MYOCOS: variants seen among roughly 807,000 people sequenced by gnomAD.
The protein encoded by MYOCOS is myocilin opposite strand, also known as myocilin opposite strand protein.
upstream of MYOCOS, among the ~76,000 whole-genome samples, chr1:171,620,773 C>CTTTTTTTTTT (rs34455235): frequency 3.1e-5 from 4 of 127,212 alleles, no homozygotes; most frequent in Non-Finnish European, 4.8e-5. Flanking sequence ...CTTTTTCTTT[C>CTTTTTTTTTT]TTTTTTTTTT....
intron 1 of MYOCOS, among the ~76,000 whole-genome samples, chr1:171,607,302 C>A (rs1054593102): frequency 3.3e-5 from 5 of 152,154 alleles, no homozygotes; most frequent in African/African-American, 1.2e-4. Context: ...TAAATATACA[C>A]ATCTAAGTCT....
At chr1:171,624,610 G>A (rs12728541) in intron 2 of MYOCOS, among the ~76,000 whole-genome samples, 22,530 of 150,914 alleles carry the variant, frequency 0.15, 1,937 homozygotes, top group Middle Eastern at 0.32. Context: ...CTAATATTTT[G>A]TGTGTGTGTG....
chr1:171,612,136 G>C (rs1652366483), intron 1 of MYOCOS, among the ~76,000 whole-genome samples: 1 of 152,010 alleles, frequency 6.6e-6, no homozygotes, highest in South Asian at 2.1e-4. Context: ...CAGTGCAGTG[G>C]TGCAATCTCG....
At chr1:171,621,398 C>CG (rs1652567293), upstream of MYOCOS, among the ~76,000 whole-genome samples, 1 of 103,544 alleles carries the variant, frequency 9.7e-6, no homozygotes, top group Non-Finnish European at 1.8e-5. Flanking sequence ...TTTTTTGAGA[C>CG]GTAGTCTCAC....
upstream of MYOCOS, among the ~76,000 whole-genome samples, chr1:171,620,113 A>C (rs1025199161): frequency 6.7e-6 from 1 of 148,564 alleles, no homozygotes; most frequent in Non-Finnish European, 1.5e-5. Context: ...ATATATATAT[A>C]TATCTCCTAT....
At chr1:171,613,169 C>CAT (rs1035015116) in intron 1 of MYOCOS, among the ~76,000 whole-genome samples, 20 of 152,132 alleles carry the variant, frequency 1.3e-4, no homozygotes, top group Non-Finnish European at 4.4e-5. Context: ...TGTGGGAAAT[C>CAT]ATTACTATAC....
intron 1 of MYOCOS, chr1:171,601,209 G>A (rs1277872948): frequency 2.0e-5 from 3 of 152,286 alleles, no homozygotes; most frequent in Non-Finnish European, 2.9e-5. Flanking sequence ...AATTTAGTAA[G>A]ACTAGTCTTT....
At chr1:171,619,447 T>C (rs1317844221), upstream of MYOCOS, among the ~76,000 whole-genome samples, 1 of 152,186 alleles carries the variant, frequency 6.6e-6, no homozygotes, top group Non-Finnish European at 1.5e-5. Flanking sequence ...TTTCGACGTA[T>C]CTGAACTACA....
intron 1 of MYOCOS, among the ~76,000 whole-genome samples, chr1:171,608,478 C>G (rs751481728): frequency 8.4e-6 from 1 of 118,706 alleles, no homozygotes; most frequent in East Asian, 2.9e-4. Context: ...AGTGCAGTGG[C>G]GCGATCTCGG....
chr1:171,616,827 G>A (rs1472720624), intron 2 of MYOCOS, among the ~76,000 whole-genome samples: 2 of 152,218 alleles, frequency 1.3e-5, no homozygotes, highest in East Asian at 1.9e-4. Flanking sequence ...GAGCGACTCA[G>A]TGAGTTTAGA....
chr1:171,621,532 C>T (rs908505529), upstream of MYOCOS, among the ~76,000 whole-genome samples: 6 of 151,946 alleles, frequency 3.9e-5, no homozygotes, highest in Admixed American at 6.6e-5. Flanking sequence ...CCCGCCACCA[C>T]GCCTGGCTAA....
chr1:171,611,765 T>C (rs978859576), intron 1 of MYOCOS, among the ~76,000 whole-genome samples: 4 of 152,314 alleles, frequency 2.6e-5, no homozygotes, highest in South Asian at 4.1e-4. Context: ...CAAAGAGGCC[T>C]ACCAGGCATT....
At chr1:171,605,418 A>G (rs1652227779) in intron 1 of MYOCOS, among the ~76,000 whole-genome samples, 1 of 136,560 alleles carries the variant, frequency 7.3e-6, no homozygotes, top group African/African-American at 2.6e-5. Flanking sequence ...CAGTTACATG[A>G]TAAAGTTCCA....
intron 1 of MYOCOS, among the ~76,000 whole-genome samples, chr1:171,607,222 T>C (rs1652263813): frequency 6.6e-6 from 1 of 152,206 alleles, no homozygotes. Context: ...AAGGGTTTTT[T>C]AGAAATATAC....
At chr1:171,614,928 C>T (rs750310695) in exon 2 of MYOCOS, 1 of 152,110 alleles carries the variant, frequency 6.6e-6, no homozygotes, top group Non-Finnish European at 1.5e-5. Context: ...ATGCAAAGAC[C>T]TGACCTGAAG....
intron 2 of MYOCOS, among the ~76,000 whole-genome samples, chr1:171,625,348 C>G (rs1652673219): frequency 1.3e-5 from 2 of 152,208 alleles, no homozygotes; most frequent in African/African-American, 4.8e-5. Context: ...GAGATGGGAG[C>G]AGTGAACTTG....
At chr1:171,618,621 G>A (rs906272567), upstream of MYOCOS, among the ~76,000 whole-genome samples, 5 of 152,112 alleles carry the variant, frequency 3.3e-5, no homozygotes, top group African/African-American at 4.8e-5. Flanking sequence ...TGTCACCCAG[G>A]CTGGAGTGCA....
chr1:171,617,910 A>G (rs1305419331), upstream of MYOCOS, among the ~76,000 whole-genome samples: 1 of 152,182 alleles, frequency 6.6e-6, no homozygotes, highest in African/African-American at 2.4e-5. Context: ...AAAGAGTGCC[A>G]ATAGTTCATC....
exon 2 of MYOCOS, chr1:171,614,973 G>T (rs1572203745): frequency 6.6e-6 from 1 of 152,348 alleles, no homozygotes; most frequent in South Asian, 2.1e-4. Flanking sequence ...GAACAGTAAG[G>T]AGGCCAGATG....
Sources: allele counts gnomAD v4.1 joint callset (sites outside exome capture counted in the v4.1 genomes callset), GRCh38; gene constraint gnomAD v4.1.1; transcripts MANE v1.5; gene names NCBI Gene and HGNC (gene_info 2026-07-23, HGNC 2026-07-21).